ELOVL7: variants seen among roughly 807,000 people sequenced by gnomAD.
ELOVL7 encodes very long chain fatty acid elongase 7.
A neutral mutation model predicts 35.7 loss-of-function variants in ELOVL7; 27 were observed. The ratio of observed to expected loss-of-function variants is 0.76; its 90% confidence interval spans 0.56 to 1.04. The LOEUF is 1.04. Among genes scored for constraint, ELOVL7 ranks in the 50% least tolerant of loss-of-function variants. The pLI, the probability that ELOVL7 is intolerant of heterozygous loss-of-function variation, is 0.00. For missense variants in ELOVL7, 327 were observed against 340.8 expected, an observed-to-expected ratio of 0.96 and a Z score of 0.32; for synonymous variants, 113 against 114.6, an observed-to-expected ratio of 0.99 and a Z score of 0.09.
chr5:60,795,626 G>A (rs1164917973), intron 2 of ELOVL7, among the ~76,000 whole-genome samples: 3 of 152,192 alleles, frequency 2.0e-5, no homozygotes, highest in Non-Finnish European at 2.9e-5. Flanking sequence ...ATCCACCAGG[G>A]CTGAATGCCG....
chr5:60,759,947 G>A (rs1382485363), intron 7 of ELOVL7, among the ~76,000 whole-genome samples: 1 of 152,118 alleles, frequency 6.6e-6, no homozygotes, highest in African/African-American at 2.4e-5. Context: ...TTTCATCCAT[G>A]TCCCTACAAA....
At chr5:60,815,302 A>C (rs1182868259) in intron 1 of ELOVL7, among the ~76,000 whole-genome samples, 2 of 152,226 alleles carry the variant, frequency 1.3e-5, no homozygotes, top group Non-Finnish European at 2.9e-5. Flanking sequence ...ACTAGCAAGA[A>C]TCACAGCTTG....
chr5:60,780,171 G>A (rs545343233), intron 3 of ELOVL7, among the ~76,000 whole-genome samples: 23 of 147,304 alleles, frequency 1.6e-4, no homozygotes, highest in African/African-American at 5.5e-4. Context: ...CCAGGCTGGA[G>A]TGCAACGGTA....
At position 60,810,846 on chromosome 5, in the gene ELOVL7, G is replaced by A. The variant is rs1040784519; in HGVS notation, c.-85-11616C>T. Among the ~76,000 whole-genome samples the A allele has an allele frequency of 3.7e-4, 57 of 152,270 alleles. 1 individual carries two copies. Among genetic ancestry groups the A allele is most frequent in the Non-Finnish European group, 5.9e-5 (4 of 68,018 alleles). On this transcript the variant is annotated intron_variant, in intron 1 of 8. Transcript: ENST00000508821. The stretch of plus-strand genomic sequence containing the variant: ...GCAAATTTGTATTGTGCACAGTACC[G>A]ACCCAGGGGAGGTGAGTCAAGGACT...
At chr5:60,839,082 A>G (rs1027307225) in intron 1 of ELOVL7, among the ~76,000 whole-genome samples, 33 of 151,986 alleles carry the variant, frequency 2.2e-4, no homozygotes, top group African/African-American at 7.7e-4. Flanking sequence ...TCACGCCTGT[A>G]AGCCCAGCAC....
At chr5:60,804,005 A>C (rs1744789461) in intron 1 of ELOVL7, among the ~76,000 whole-genome samples, 1 of 152,224 alleles carries the variant, frequency 6.6e-6, no homozygotes, top group African/African-American at 2.4e-5. Flanking sequence ...AGTAATTCAG[A>C]TTCCATTTCT....
intron 4 of ELOVL7, 74 bp from the exon 5 acceptor site, chr5:60,767,977 T>G: frequency 8.8e-7 from 1 of 1,130,174 alleles, no homozygotes; most frequent in Non-Finnish European, 1.3e-6. Context: ...GTTTTGATAG[T>G]GTCTCTTCAT....
intron 2 of ELOVL7, among the ~76,000 whole-genome samples, chr5:60,797,239 GA>G (rs1579861820): frequency 6.6e-6 from 1 of 152,152 alleles, no homozygotes; most frequent in African/African-American, 2.4e-5. Flanking sequence ...ACACATTACA[GA>G]AGCAAAAATA....
Position 60,751,935 on chromosome 5 carries a change from A to C in ELOVL7, c.*2689T>G, listed in dbSNP as rs548836200. Reference sequence around the variant, plus strand: ...ATATAATCTCGTAATTTTATACTTAAGGCTGTAAATGGCAAAGTCCCATAG... The same window carrying C: ...ATATAATCTCGTAATTTTATACTTACGGCTGTAAATGGCAAAGTCCCATAG... On this transcript the variant is annotated 3_prime_UTR_variant, in exon 9 of 9. Coordinates refer to ENST00000508821, the MANE Select transcript of ELOVL7 (RefSeq NM_024930.3). 8 of 152,320 alleles carry C rather than the reference A, an allele frequency of 5.3e-5. No individual in the cohort carries two copies. The South Asian group carries it at 1.2e-3, about 24-fold the overall frequency. The allele number at this position is 152,320 out of a possible 1,614,324, so 9.4% of individuals were successfully genotyped here. A position where few individuals can be genotyped will look rare whatever the true frequency, so the allele number is the denominator to read the frequency against.
intron 1 of ELOVL7, among the ~76,000 whole-genome samples, chr5:60,808,119 G>A (rs1278888680): frequency 6.7e-6 from 1 of 149,336 alleles, no homozygotes; most frequent in Non-Finnish European, 1.5e-5. Context: ...GCCAGAAACA[G>A]AGTATTCACA....
chr5:60,843,702 G>A (rs1434814197), intron 1 of ELOVL7, among the ~76,000 whole-genome samples: 2 of 152,192 alleles, frequency 1.3e-5, no homozygotes, highest in Non-Finnish European at 2.9e-5. Context: ...GTCCAAGGTC[G>A]AGCAGGTCCT....
At chr5:60,843,670 G>A (rs1747322116) in intron 1 of ELOVL7, 1 of 152,372 alleles carries the variant, frequency 6.6e-6, no homozygotes, top group Non-Finnish European at 1.5e-5. Flanking sequence ...CCAGACCCCG[G>A]AGCTGGGAAA....
intron 3 of ELOVL7, among the ~76,000 whole-genome samples, chr5:60,786,932 T>C (rs997136987): frequency 1.3e-4 from 19 of 151,126 alleles, no homozygotes; most frequent in Admixed American, 2.0e-4. Flanking sequence ...GCACTCCAGC[T>C]TGGGCGACAG....
At chr5:60,769,981 G>T (rs1489589084) in intron 4 of ELOVL7, among the ~76,000 whole-genome samples, 1 of 151,700 alleles carries the variant, frequency 6.6e-6, no homozygotes, top group Non-Finnish European at 1.5e-5. Context: ...AGCCTGGGAG[G>T]TCAAGGCTGC....
At chr5:60,796,329 A>G (rs1744260287) in intron 2 of ELOVL7, among the ~76,000 whole-genome samples, 1 of 152,196 alleles carries the variant, frequency 6.6e-6, no homozygotes, top group Admixed American at 6.5e-5. Context: ...ATGGGGGATG[A>G]CTATAAAGTA....
chr5:60,792,713 T>G (rs901500224), intron 2 of ELOVL7, among the ~76,000 whole-genome samples: 5 of 152,130 alleles, frequency 3.3e-5, no homozygotes, highest in Non-Finnish European at 7.4e-5. Flanking sequence ...ATTTACTCCA[T>G]GTGGTATAGG....
At chr5:60,784,937 C>T (rs1297053492) in intron 3 of ELOVL7, among the ~76,000 whole-genome samples, 1 of 152,176 alleles carries the variant, frequency 6.6e-6, no homozygotes, top group Non-Finnish European at 1.5e-5. Flanking sequence ...TAACAACCAG[C>T]ACCACTCTTT....
chr5:60,754,517 C>T lies in ELOVL7; in HGVS notation c.*107G>A. ...ATCCCAATAACTTACCATAAAAATA[C>T]AAGCTCTTAGTTTTGAAAAATATAC... On this transcript the variant is annotated 3_prime_UTR_variant, in exon 9 of 9. Transcript: ENST00000508821. 1 of 977,162 alleles carries T rather than the reference C, an allele frequency of 1.0e-6. No individual in the cohort carries two copies. Among genetic ancestry groups the T allele is most frequent in the Non-Finnish European group, 1.5e-6 (1 of 660,710 alleles). 60.5% of individuals were successfully genotyped at this position (977,162 alleles called of 1,614,324 possible).
chr5:60,762,141 G>C (rs1391408593), intron 7 of ELOVL7, among the ~76,000 whole-genome samples: 2 of 151,782 alleles, frequency 1.3e-5, no homozygotes, highest in African/African-American at 4.8e-5. Context: ...AAGGATTAAG[G>C]TGTGGACAAG....
Sources: gnomAD v4.1 joint callset for allele counts (sites outside exome capture counted in the v4.1 genomes callset) on GRCh38, gnomAD v4.1.1 for gene constraint, MANE v1.5 for transcripts, NCBI Gene and HGNC (gene_info 2026-07-23, HGNC 2026-07-21) for gene names.